Variants in BCCIP observed in about 807,000 individuals in gnomAD.
BCCIP encodes the protein BRCA2 and CDKN1A interacting protein.
In BCCIP, 23 loss-of-function variants were observed where a neutral mutation model predicts 32.8. The ratio of observed to expected loss-of-function variants is 0.70; its 90% CI spans 0.51 to 0.99. The LOEUF (loss-of-function observed/expected upper bound fraction) is 0.99, where lower values mean the gene tolerates loss of function less well. Ranked by LOEUF, BCCIP falls within the 50% of genes least tolerant of loss-of-function variation. The pLI is 0.00. For synonymous variants in BCCIP, 144 were observed against 137.6 expected (o/e 1.05, Z -0.33); for missense variants, 378 against 379.8 (o/e 1.00, Z 0.04).
chr10:125,834,066 T>C, intron 6 of BCCIP, 120 bp downstream of exon 6: 3 of 1,150,324 alleles, frequency 2.6e-6, no homozygotes, highest in Non-Finnish European at 3.7e-6. Flanking sequence ...ACTCTGTTTT[T>C]CTGTTTCCCC....
chr10:125,824,716 C>T (rs1854322849), intron 1 of BCCIP, among the ~76,000 whole-genome samples: 1 of 109,482 alleles, frequency 9.1e-6, no homozygotes, highest in Non-Finnish European at 2.0e-5. Flanking sequence ...CCCCTACAAT[C>T]AGTCTATACT....
At chr10:125,836,642 C>T, downstream of BCCIP, 1 of 1,593,914 alleles carries the variant, frequency 6.3e-7, no homozygotes, top group East Asian at 2.2e-5. Context: ...GTTCAGCCAT[C>T]CAGCTACCTT....
At chr10:125,824,775 TA>T (rs1854326359) in intron 1 of BCCIP, among the ~76,000 whole-genome samples, 2 of 152,268 alleles carry the variant, frequency 1.3e-5, no homozygotes, top group Non-Finnish European at 2.9e-5. Context: ...GGCCTCTGCT[TA>T]GATTGCTGCA....
At chr10:125,849,948 C>G (rs749057659) in intron 7 of BCCIP, among the ~76,000 whole-genome samples, 2 of 152,016 alleles carry the variant, frequency 1.3e-5, no homozygotes, top group Non-Finnish European at 2.9e-5. Flanking sequence ...ACCATCACAA[C>G]AGATGACACC....
intron 5 of BCCIP, among the ~76,000 whole-genome samples, chr10:125,832,136 A>G (rs1175523746): frequency 1.3e-5 from 2 of 151,874 alleles, no homozygotes; most frequent in East Asian, 3.9e-4. Flanking sequence ...TAAGAATTGT[A>G]TTGTCTGTGC....
intron 6 of BCCIP, 138 bp downstream of exon 6, chr10:125,834,084 C>A: frequency 1.1e-6 from 1 of 928,148 alleles, no homozygotes; most frequent in Non-Finnish European, 1.6e-6. Flanking sequence ...CCCACAGGAC[C>A]TAGCAGCTAA....
chr10:125,829,518 C>T (rs1349921395), intron 3 of BCCIP, among the ~76,000 whole-genome samples: 3 of 152,230 alleles, frequency 2.0e-5, no homozygotes, highest in Non-Finnish European at 4.4e-5. Context: ...TCTTCAGACA[C>T]TCTTATCTGA....
At chr10:125,838,733 C>T (rs936710763), downstream of BCCIP, among the ~76,000 whole-genome samples, 3 of 152,094 alleles carry the variant, frequency 2.0e-5, no homozygotes, top group Non-Finnish European at 2.9e-5. Context: ...GTGTGTAGCA[C>T]GCAATGACCC....
chr10:125,849,033 A>G (rs1944058382), intron 7 of BCCIP, among the ~76,000 whole-genome samples: 1 of 151,928 alleles, frequency 6.6e-6, no homozygotes, highest in Admixed American at 6.6e-5. Context: ...GGGACCATCT[A>G]CCCCAGTTTA....
exon 7 of BCCIP, chr10:125,841,561 A>T (rs1175035472): frequency 1.4e-6 from 2 of 1,429,858 alleles, no homozygotes; most frequent in Non-Finnish European, 1.8e-6. Context: ...ATAATTTTTC[A>T]TATTAAGAAA....
At chr10:125,824,245 G>T (rs1854292481) in intron 1 of BCCIP, among the ~76,000 whole-genome samples, 1 of 152,188 alleles carries the variant, frequency 6.6e-6, no homozygotes, top group Admixed American at 6.5e-5. Flanking sequence ...TGGGGCAGCT[G>T]ACCAAGTCGT....
exon 7 of BCCIP, chr10:125,842,252 G>C (rs1854902710): frequency 3.3e-6 from 1 of 300,462 alleles, no homozygotes; most frequent in Non-Finnish European, 6.1e-6. Flanking sequence ...GGAGACTAAG[G>C]TGGCCGGAAC....
downstream of BCCIP, chr10:125,839,015 C>A: frequency 1.9e-6 from 3 of 1,613,744 alleles, no homozygotes; most frequent in Non-Finnish European, 2.5e-6. Flanking sequence ...ATAAAGTAAC[C>A]GGACAGAAGA....
At chr10:125,850,467 C>T (rs1041413993) in intron 7 of BCCIP, among the ~76,000 whole-genome samples, 2 of 150,982 alleles carry the variant, frequency 1.3e-5, no homozygotes, top group Non-Finnish European at 2.9e-5. Flanking sequence ...AAGTGATTCT[C>T]CTGCCTCAGC....
rs374807277 is a variant in BCCIP at position 125,826,996 on chromosome 10, T to TAAAAAAAAAAAAAAAAAA, written c.240+340_240+341insAAAAAAAAAAAAAAAAAA. On this transcript the variant is annotated intron_variant, in intron 2 of 6. Transcript: ENST00000278100. Reference sequence around the variant, plus strand: ...GGGCAACAGAGTGAGCCTCTGTCTCTAAAAAAAAAGAAAATTCAGGTCATT... The same window carrying TAAAAAAAAAAAAAAAAAA: ...GGGCAACAGAGTGAGCCTCTGTCTCTAAAAAAAAAAAAAAAAAAAAAAAAAAAGAAAATTCAGGTCATT... Among the ~76,000 whole-genome samples the TAAAAAAAAAAAAAAAAAA allele has an allele frequency of 3.1e-5, 4 of 129,310 alleles. 1 individual carries two copies. The highest frequency in any genetic ancestry group is 6.4e-5 in the Non-Finnish European group (4 of 62,316). The allele number at this position is 129,310 out of a possible 152,430, so 84.8% of individuals were successfully genotyped here.
At position 125,836,325 on chromosome 10, in the gene BCCIP, A is replaced by G; in HGVS notation, c.*51A>G. On this transcript the variant is annotated 3_prime_UTR_variant, in exon 7 of 7. Coordinates refer to ENST00000278100, the MANE Select transcript of BCCIP (RefSeq NM_078468.3). ...CTTGTTTTTGTAAAATTACCAGAAA[A>G]CTCAGTGGAGATTTACTGAAAAACT... is the stretch of plus-strand genomic sequence containing the variant. 1.2e-6 allele frequency: 2 copies of G among 1,612,084 alleles called. No individual in the cohort carries two copies. Among genetic ancestry groups the G allele is most frequent in the South Asian group, 2.2e-5 (2 of 90,792 alleles).
rs1261714377 is a variant in BCCIP, at chr10:125,833,885, C to G, written c.713C>G (p.Pro238Arg). Residue 238 changes from proline to arginine, a missense_variant, in exon 6 of 7, where the codon CCT becomes CGT. Pro to Arg is a moderately radical substitution (Grantham distance 103, BLOSUM62 -2). Coordinates refer to ENST00000278100, the MANE Select transcript of BCCIP (RefSeq NM_078468.3). ...EAGKNNSKKK[P>R]SNKKKAALMF... The stretch of plus-strand genomic sequence containing the variant: ...GGAAAAAACAATTCCAAAAAGAAAC[C>G]TAGCAACAAAAAGAAAGCTGCGTTA... 1.2e-6 allele frequency: 2 copies of G among 1,614,086 alleles called. No homozygotes were observed.
rs1854585544 is a variant in BCCIP, at chr10:125,833,891, A to G, written c.719A>G (p.Asn240Ser). Reference protein sequence around the residue: ...GKNNSKKKPSNKKKAALMFAN... With the variant: ...GKNNSKKKPSSKKKAALMFAN... ...AACAATTCCAAAAAGAAACCTAGCAACAAAAAGAAAGCTGCGTTAATGTTT... is the reference window on the plus strand; with the variant it reads ...AACAATTCCAAAAAGAAACCTAGCAGCAAAAAGAAAGCTGCGTTAATGTTT... Residue 240 changes from asparagine (N) to serine (S), a missense_variant, in exon 6 of 7, where the codon AAC (asparagine) becomes AGC (serine). Coordinates refer to ENST00000278100, the MANE Select transcript of BCCIP (RefSeq NM_078468.3). 6.2e-7 allele frequency: 1 copy of G among 1,614,156 alleles called. No individual in the cohort carries two copies. Among genetic ancestry groups the G allele is most frequent in the Non-Finnish European group, 8.5e-7 (1 of 1,180,058 alleles).
exon 8 of BCCIP, chr10:125,853,253 G>A: frequency 6.4e-7 from 1 of 1,565,810 alleles, no homozygotes; most frequent in South Asian, 1.1e-5. Flanking sequence ...ATAAGTCAGG[G>A]ATATTTAGGA....
Sources: allele counts gnomAD v4.1 joint callset (sites outside exome capture counted in the v4.1 genomes callset), GRCh38; gene constraint gnomAD v4.1.1; transcripts MANE v1.5; gene names NCBI Gene and HGNC (gene_info 2026-07-23, HGNC 2026-07-21).